FCHSD2: variants seen among roughly 807,000 people sequenced by gnomAD.
The protein encoded by FCHSD2 is FCH and double SH3 domains 2.
In FCHSD2, 38 loss-of-function variants were observed where a neutral mutation model predicts 108.1. The ratio of observed to expected loss-of-function variants is 0.35; its 90% CI spans 0.27 to 0.46. FCHSD2 has a LOEUF of 0.46. Ranked by LOEUF, FCHSD2 falls within the 20% of genes least tolerant of loss-of-function variation. The probability of loss-of-function intolerance (pLI) is 1.00; values close to 1 mark genes in which losing one functional copy is unlikely to be tolerated. For synonymous variants in FCHSD2, 279 were observed against 314.7 expected, an observed-to-expected ratio of 0.89 and a Z score of 1.20; for missense variants, 751 against 897.8, an observed-to-expected ratio of 0.84 and a Z score of 2.09.
chr11:73,088,541 C>T (rs542533275), intron 2 of FCHSD2, among the ~76,000 whole-genome samples: 1 of 151,956 alleles, frequency 6.6e-6, no homozygotes, highest in Non-Finnish European at 1.5e-5. Context: ...GCTTCCTTTA[C>T]TTTCTTCTTT....
At chr11:73,005,117 T>G (rs1354193621) in intron 4 of FCHSD2, among the ~76,000 whole-genome samples, 1 of 152,238 alleles carries the variant, frequency 6.6e-6, no homozygotes, top group Non-Finnish European at 1.5e-5. Flanking sequence ...CCATCTCTAC[T>G]GGAGCATTCT....
intron 14 of FCHSD2, among the ~76,000 whole-genome samples, chr11:72,848,754 A>G (rs1444961357): frequency 1.3e-5 from 2 of 152,202 alleles, no homozygotes; most frequent in Non-Finnish European, 2.9e-5. Context: ...TCACTCAGAC[A>G]CTTAGGAATC....
Position 72,876,736 on chromosome 11 carries a change from G to A in FCHSD2, c.1147-8710C>T, listed in dbSNP as rs934468960. ...ATCCTTACTGATTTTCTATATTCTTGTTCTATCAATTACTGAAAGAGGGAT... is the reference window on the plus strand; with the variant it reads ...ATCCTTACTGATTTTCTATATTCTTATTCTATCAATTACTGAAAGAGGGAT... On this transcript the variant is annotated intron_variant, in intron 12 of 19. Transcript: ENST00000409418. 6.6e-5 allele frequency among the ~76,000 whole-genome samples: 10 copies of A among 152,156 alleles called. No individual in the cohort carries two copies. The South Asian group carries it at 2.1e-3, about 32-fold the overall frequency.
chr11:72,858,274 A>G (rs751571705), intron 13 of FCHSD2, among the ~76,000 whole-genome samples: 1 of 152,202 alleles, frequency 6.6e-6, no homozygotes, highest in Non-Finnish European at 1.5e-5. Context: ...GATGATGTTA[A>G]CCAAAGGAAT....
At chr11:72,944,512 C>G (rs1856481770) in intron 8 of FCHSD2, among the ~76,000 whole-genome samples, 1 of 152,158 alleles carries the variant, frequency 6.6e-6, no homozygotes, top group Non-Finnish European at 1.5e-5. Flanking sequence ...CCCTCTCTCA[C>G]CACTCCTATT....
chr11:72,967,256 T>C (rs1389020947), intron 8 of FCHSD2, among the ~76,000 whole-genome samples: 2 of 151,630 alleles, frequency 1.3e-5, no homozygotes, highest in African/African-American at 4.8e-5. Context: ...GAGGGATTGT[T>C]TTAGGCAGTA....
At chr11:72,958,583 GA>G (rs1856759738) in intron 8 of FCHSD2, among the ~76,000 whole-genome samples, 1 of 152,124 alleles carries the variant, frequency 6.6e-6, no homozygotes, top group African/African-American at 2.4e-5. Flanking sequence ...AAACACCACG[GA>G]ACAAAATCTA....
chr11:73,026,268 G>A (rs759565684), intron 3 of FCHSD2, among the ~76,000 whole-genome samples: 9 of 152,078 alleles, frequency 5.9e-5, no homozygotes, highest in South Asian at 2.1e-4. Flanking sequence ...ATAAGCCACC[G>A]TACCCAGCCT....
intron 5 of FCHSD2, among the ~76,000 whole-genome samples, chr11:72,992,045 T>C (rs943800098): frequency 1.1e-4 from 17 of 152,220 alleles, no homozygotes; most frequent in African/African-American, 4.1e-4. Flanking sequence ...CTTAAGCTGA[T>C]AGGCAACTTC....
intron 3 of FCHSD2, among the ~76,000 whole-genome samples, chr11:73,059,828 C>A (rs1329206084): frequency 6.6e-6 from 1 of 152,036 alleles, no homozygotes; most frequent in African/African-American, 2.4e-5. Context: ...AAGGAACAGA[C>A]AACAGTTTTA....
rs536596095 is a variant in FCHSD2 at position 73,077,768 on chromosome 11, A to T, written c.165+5927T>A. The T allele has an allele frequency of 1.9e-4, 56 of 296,304 alleles. 2 individuals are homozygous for T. Among genetic ancestry groups the T allele is most frequent in the South Asian group, 1.6e-3 (56 of 34,914 alleles). The allele number at this position is 296,304 out of a possible 1,614,324, so 18.4% of individuals were successfully genotyped here. On this transcript the variant is annotated intron_variant, in intron 3 of 19. Coordinates refer to ENST00000409418, the MANE Select transcript of FCHSD2 (RefSeq NM_014824.3). ...TGAAGAAGCCAGCTGGGAGAGAGGG[A>T]TTATAAGGACACACAGGAAAACTCT... is the stretch of plus-strand genomic sequence containing the variant.
intron 2 of FCHSD2, among the ~76,000 whole-genome samples, chr11:73,096,016 G>GA (rs567394774): frequency 1.5e-4 from 22 of 149,502 alleles, no homozygotes; most frequent in African/African-American, 4.9e-4. Context: ...AAGTGCTATA[G>GA]AAAAAAACAA....
chr11:72,850,203 C>T (rs997652963), intron 13 of FCHSD2, among the ~76,000 whole-genome samples: 50 of 151,754 alleles, frequency 3.3e-4, no homozygotes, highest in African/African-American at 1.2e-3. Flanking sequence ...GCTGGGATTA[C>T]AGGCACCCAC....
chr11:73,016,728 AG>A (rs1857982283), intron 3 of FCHSD2, among the ~76,000 whole-genome samples: 1 of 152,190 alleles, frequency 6.6e-6, no homozygotes, highest in Admixed American at 6.5e-5. Flanking sequence ...ACAGATTTTA[AG>A]GGTCTTTTCT....
chr11:72,919,400 T>C (rs950829753), intron 9 of FCHSD2, among the ~76,000 whole-genome samples: 1 of 152,188 alleles, frequency 6.6e-6, no homozygotes, highest in African/African-American at 2.4e-5. Flanking sequence ...TCTCTTTATG[T>C]GTCCAAACTA....
chr11:72,849,470 G>C (rs1033946755), intron 14 of FCHSD2, among the ~76,000 whole-genome samples: 26 of 152,198 alleles, frequency 1.7e-4, no homozygotes, highest in African/African-American at 6.3e-4. Context: ...ATTTATTTAG[G>C]TGGTTATGGG....
At chr11:73,101,205 C>G (rs1860217338) in intron 2 of FCHSD2, among the ~76,000 whole-genome samples, 1 of 152,078 alleles carries the variant, frequency 6.6e-6, no homozygotes, top group African/African-American at 2.4e-5. Flanking sequence ...CATAAAAAGG[C>G]CACATAAAAT....
intron 2 of FCHSD2, among the ~76,000 whole-genome samples, chr11:73,112,064 G>A (rs1724408727): frequency 2.0e-5 from 3 of 152,096 alleles, no homozygotes; most frequent in Non-Finnish European, 2.9e-5. Flanking sequence ...GTTTTTCTGT[G>A]TACTTACTAT....
At position 72,841,032 on chromosome 11, in the gene FCHSD2, G is replaced by A. The variant is rs1860913292; in HGVS notation, c.2057-73C>T. On this transcript the variant is annotated intron_variant, in intron 18 of 19. Transcript: ENST00000409418. ...ATAATGCTGATGCAAGGCTGGCATG[G>A]TGGCTTGAGCCTGTAATCCCAGCAC... The A allele has an allele frequency of 4.3e-6, 5 of 1,155,552 alleles. No individual in the cohort carries two copies. The South Asian group carries it at 6.3e-5, about 15-fold the overall frequency. The allele number at this position is 1,155,552 out of a possible 1,614,324, so 71.6% of individuals were successfully genotyped here.
Sources: allele counts gnomAD v4.1 joint callset (sites outside exome capture counted in the v4.1 genomes callset), GRCh38; gene constraint gnomAD v4.1.1; transcripts MANE v1.5; gene names NCBI Gene and HGNC (gene_info 2026-07-23, HGNC 2026-07-21).